The following TBC1D14 variants were observed in gnomAD, a reference collection of about 807,000 sequenced individuals.
The protein encoded by TBC1D14 is TBC1 domain family member 14, also known as TBC1 domain family, member 14.
In TBC1D14, 26 loss-of-function variants were observed where a neutral mutation model predicts 79.0. The observed-to-expected ratio is 0.33, with a 90% CI of 0.24 to 0.46. The LOEUF is 0.46. Ranked by LOEUF, TBC1D14 falls within the 20% of genes least tolerant of loss-of-function variation. The pLI is 1.00. For synonymous variants in TBC1D14, 394 were observed against 349.9 expected (o/e 1.13, Z -1.40); for missense variants, 769 against 887.6 (o/e 0.87, Z 1.70).
At chr4:7,003,987 G>A (rs145687488) in intron 7 of TBC1D14, among the ~76,000 whole-genome samples, 55 of 152,154 alleles carry the variant, frequency 3.6e-4, no homozygotes, top group African/African-American at 1.3e-3. Flanking sequence ...CAGCCTGGGC[G>A]ACAGAGCAAG....
At chr4:6,964,984 T>G (rs1715572321) in intron 2 of TBC1D14, among the ~76,000 whole-genome samples, 1 of 152,106 alleles carries the variant, frequency 6.6e-6, no homozygotes, top group African/African-American at 2.4e-5. Flanking sequence ...ATTAGAAGAG[T>G]AAGTTTGAGA....
chr4:6,987,413 G>A, intron 3 of TBC1D14: 1 of 1,320,388 alleles, frequency 7.6e-7, no homozygotes, highest in Non-Finnish European at 9.7e-7. Context: ...CCGTGGGCCT[G>A]TCCTGTCCTG....
chr4:7,001,351 T>C, intron 7 of TBC1D14, 100 bp downstream of exon 7: 1 of 1,011,006 alleles, frequency 9.9e-7, no homozygotes, highest in Non-Finnish European at 1.5e-6. Context: ...TTGCCACGAA[T>C]CTGTGTCTTT....
intron 3 of TBC1D14, among the ~76,000 whole-genome samples, chr4:6,992,089 C>T (rs1039847221): frequency 2.0e-5 from 3 of 152,226 alleles, no homozygotes; most frequent in African/African-American, 4.8e-5. Context: ...ACTCCCTGTG[C>T]ACCAGAGGCT....
intron 1 of TBC1D14, among the ~76,000 whole-genome samples, chr4:6,913,725 T>C (rs761737998): frequency 1.2e-4 from 18 of 152,242 alleles, no homozygotes; most frequent in African/African-American, 4.3e-4. Flanking sequence ...ATCTTCCTAA[T>C]GTATCATTTG....
chr4:6,916,956 T>C (rs564069346), intron 1 of TBC1D14, among the ~76,000 whole-genome samples: 1 of 152,358 alleles, frequency 6.6e-6, no homozygotes, highest in Non-Finnish European at 1.5e-5. Flanking sequence ...ATTGGGACTT[T>C]GGAAAACACC....
intron 13 of TBC1D14, among the ~76,000 whole-genome samples, chr4:7,027,387 C>T (rs1237894370): frequency 7.7e-6 from 1 of 129,922 alleles, no homozygotes; most frequent in Non-Finnish European, 1.6e-5. Flanking sequence ...CACCCCCCAT[C>T]TCACACACCC....
At position 7,031,845 on chromosome 4, in the gene TBC1D14, CTCTG is replaced by C. The variant is rs1281793147; in HGVS notation, c.*1459_*1462del. 2.0e-5 allele frequency: 3 copies of C among 152,422 alleles called. No homozygotes were observed. The highest frequency in any genetic ancestry group is 4.8e-5 in the African/African-American group (2 of 41,582). 9.4% of individuals were successfully genotyped at this position (152,422 alleles called of 1,614,324 possible). The stretch of plus-strand genomic sequence containing the variant: ...ATTTCTGATGTTGAGGGCTGTTTGG[CTCTG>C]TCTGTATAGCTTGTAACAGGAGCCT... On this transcript the variant is annotated 3_prime_UTR_variant, in exon 14 of 14. Transcript: ENST00000409757.
intron 12 of TBC1D14, among the ~76,000 whole-genome samples, chr4:7,023,519 C>T (rs944070130): frequency 3.3e-5 from 5 of 152,170 alleles, no homozygotes; most frequent in African/African-American, 1.2e-4. Flanking sequence ...CTTTCTAGAC[C>T]AGGTGGTGAA....
intron 11 of TBC1D14, among the ~76,000 whole-genome samples, chr4:7,012,371 C>G (rs1018270085): frequency 1.3e-5 from 2 of 151,754 alleles, no homozygotes; most frequent in Non-Finnish European, 2.9e-5. Context: ...TGGCACAGTC[C>G]TTTTGGAAGA....
At chr4:7,016,175 T>C (rs1312004768) in intron 12 of TBC1D14, among the ~76,000 whole-genome samples, 1 of 152,226 alleles carries the variant, frequency 6.6e-6, no homozygotes, top group Non-Finnish European at 1.5e-5. Flanking sequence ...ACCTTTGCTA[T>C]GAAGGACGAG....
intron 9 of TBC1D14, chr4:7,007,503 G>A (rs1213368391): frequency 7.0e-6 from 9 of 1,285,104 alleles, no homozygotes; most frequent in East Asian, 5.6e-5. Flanking sequence ...TCCCTTGTCT[G>A]TTCTCACTGC....
In TBC1D14 at chr4:6,919,536, T is replaced by G. The variant is rs575513735; in HGVS notation, c.-17-3837T>G. On this transcript the variant is annotated intron_variant, in intron 1 of 13. Coordinates refer to ENST00000409757, the MANE Select transcript of TBC1D14 (RefSeq NM_020773.3). ...GTTCTAATTTCTAAGAAAAATTGAT[T>G]ATCAATTACTATAACATTGTGATTA... 3.0e-4 allele frequency among the ~76,000 whole-genome samples: 45 copies of G among 152,338 alleles called. No individual in the cohort carries two copies. In the South Asian group the frequency reaches 8.3e-3, roughly 28 times the overall value.
chr4:6,989,938 C>T (rs1164316553), intron 3 of TBC1D14, among the ~76,000 whole-genome samples: 1 of 152,176 alleles, frequency 6.6e-6, no homozygotes, highest in Non-Finnish European at 1.5e-5. Context: ...GCAGGGACTT[C>T]GAACAACTGT....
intron 13 of TBC1D14, among the ~76,000 whole-genome samples, chr4:7,028,923 A>G (rs1360116871): frequency 6.6e-6 from 1 of 152,006 alleles, no homozygotes; most frequent in East Asian, 1.9e-4. Context: ...CTGCAGCCTG[A>G]ACCTCCGGGG....
chr4:6,944,828 A>G (rs1403825901), intron 2 of TBC1D14, among the ~76,000 whole-genome samples: 3 of 152,102 alleles, frequency 2.0e-5, no homozygotes, highest in African/African-American at 7.2e-5. Context: ...CCTTCCAGGA[A>G]CCTTCTCACT....
intron 3 of TBC1D14, among the ~76,000 whole-genome samples, chr4:6,989,434 C>T (rs1718256497): frequency 6.6e-6 from 1 of 152,202 alleles, no homozygotes; most frequent in Non-Finnish European, 1.5e-5. Flanking sequence ...GTCAGAGTGC[C>T]TCTTCCTCTT....
intron 1 of TBC1D14, among the ~76,000 whole-genome samples, chr4:6,917,232 AGTAATTAATTC>A (rs1723478125): frequency 6.6e-6 from 1 of 152,240 alleles, no homozygotes; most frequent in African/African-American, 2.4e-5. Context: ...AGTTGTTGGT[AGTAATTAATTC>A]AGCGAGTAGA....
chr4:6,935,913 G>GGATTA (rs1367718801), intron 2 of TBC1D14, among the ~76,000 whole-genome samples: 1 of 152,084 alleles, frequency 6.6e-6, no homozygotes, highest in African/African-American at 2.4e-5. Context: ...CAAAGTGCTG[G>GGATTA]GATTACAGGC....
Sources: allele counts gnomAD v4.1 joint callset (sites outside exome capture counted in the v4.1 genomes callset), GRCh38; gene constraint gnomAD v4.1.1; transcripts MANE v1.5; gene names NCBI Gene and HGNC (gene_info 2026-07-23, HGNC 2026-07-21).